Variants in MYO6 observed in about 807,000 individuals in gnomAD.
MYO6 encodes unconventional myosin-VI.
Under a neutral mutation model 178.7 loss-of-function variants are expected in MYO6, and 74 were observed. The ratio of observed to expected loss-of-function variants is 0.41; its 90% CI spans 0.34 to 0.50. The LOEUF (loss-of-function observed/expected upper bound fraction) is 0.50, where lower values mean the gene tolerates loss of function less well. Ranked by LOEUF, MYO6 falls within the 20% of genes least tolerant of loss-of-function variation. The probability of loss-of-function intolerance (pLI) is 0.09; values close to 1 mark genes in which losing one functional copy is unlikely to be tolerated. For synonymous variants in MYO6, 477 were observed against 504.6 expected (o/e 0.95, Z 0.73); for missense variants, 1,330 against 1,547.4 (o/e 0.86, Z 2.36).
chr6:75,819,475 G>GCAGTGGAAGTA (rs1172948180), intron 2 of MYO6, among the ~76,000 whole-genome samples: 3 of 152,300 alleles, frequency 2.0e-5, no homozygotes, highest in Non-Finnish European at 4.4e-5. Context: ...CAGTGTGTGC[G>GCAGTGGAAGTA]CAGTGGAAGT....
intron 14 of MYO6, among the ~76,000 whole-genome samples, chr6:75,859,604 GT>G (rs1197703452): frequency 6.7e-6 from 1 of 148,942 alleles, no homozygotes; most frequent in Non-Finnish European, 1.5e-5. Flanking sequence ...CTGGCCTGTT[GT>G]CTCTACTTCT....
intron 20 of MYO6, among the ~76,000 whole-genome samples, chr6:75,877,601 G>A (rs1000753617): frequency 2.0e-5 from 3 of 151,904 alleles, no homozygotes; most frequent in Non-Finnish European, 2.9e-5. Context: ...AAATACCAGG[G>A]CAAAGTAGGG....
intron 2 of MYO6, among the ~76,000 whole-genome samples, chr6:75,818,350 A>C (rs1212683064): frequency 1.3e-5 from 2 of 152,084 alleles, no homozygotes; most frequent in Non-Finnish European, 2.9e-5. Flanking sequence ...TTTTTGTGGA[A>C]CTTCACTCCA....
chr6:75,839,630 G>A (rs1774012534), intron 7 of MYO6, among the ~76,000 whole-genome samples: 1 of 152,112 alleles, frequency 6.6e-6, no homozygotes, highest in Non-Finnish European at 1.5e-5. Flanking sequence ...AGATTTAGAT[G>A]AGTATAAGAG....
intron 14 of MYO6, 68 bp from the exon 15 acceptor site, chr6:75,860,955 A>G: frequency 8.6e-7 from 1 of 1,167,150 alleles, no homozygotes; most frequent in Non-Finnish European, 1.3e-6. Flanking sequence ...TGTTATGTTC[A>G]GAAACAGTGC....
intron 6 of MYO6, among the ~76,000 whole-genome samples, chr6:75,834,421 C>G (rs914098252): frequency 3.3e-5 from 5 of 151,966 alleles, no homozygotes; most frequent in Non-Finnish European, 7.4e-5. Context: ...TTTGTAGAGA[C>G]AGGGTTATGC....
intron 23 of MYO6, 144 bp downstream of exon 23, chr6:75,881,962 TTC>T (rs1240463238): frequency 4.4e-6 from 4 of 902,150 alleles, no homozygotes; most frequent in Non-Finnish European, 5.2e-6. Flanking sequence ...TTTGTAGATG[TTC>T]TTTCTTTTTT....
chr6:75,846,798 G>A (rs188178629), intron 10 of MYO6, among the ~76,000 whole-genome samples: 5 of 152,184 alleles, frequency 3.3e-5, no homozygotes, highest in South Asian at 4.1e-4. Context: ...GAAAGAAAAC[G>A]AGTTTACTCT....
chr6:75,901,138 C>T (rs561797627), intron 30 of MYO6, among the ~76,000 whole-genome samples: 3 of 151,998 alleles, frequency 2.0e-5, no homozygotes, highest in Non-Finnish European at 4.4e-5. Flanking sequence ...TTACTGTAGC[C>T]TTGTAGTATA....
chr6:75,814,912 T>C (rs1429062652), intron 1 of MYO6, among the ~76,000 whole-genome samples: 1 of 152,040 alleles, frequency 6.6e-6, no homozygotes, highest in Non-Finnish European at 1.5e-5. Flanking sequence ...CTACACCTGC[T>C]TTTACTCTTC....
At position 75,873,071 on chromosome 6, in the gene MYO6, C is replaced by A; in HGVS notation, c.1984-136C>A. ...TACAGGCATGAGCCACTGCTCCCAG[C>A]CTTGAGTTCTTTAGTAATTACTTTT... On this transcript the variant is annotated intron_variant, in intron 19 of 34. Transcript: ENST00000369977. The A allele has an allele frequency of 4.1e-6, 3 of 737,344 alleles. No homozygotes were observed. The South Asian group carries it at 4.7e-5, about 12-fold the overall frequency. 45.7% of individuals were successfully genotyped at this position (737,344 alleles called of 1,614,324 possible).
chr6:75,824,871 T>C (rs1772291528), intron 3 of MYO6, among the ~76,000 whole-genome samples: 2 of 152,048 alleles, frequency 1.3e-5, no homozygotes, highest in African/African-American at 2.4e-5. Context: ...GCAATTCTTC[T>C]GCTTCAGCCT....
At chr6:75,796,832 T>C (rs987972842) in intron 1 of MYO6, among the ~76,000 whole-genome samples, 1 of 152,228 alleles carries the variant, frequency 6.6e-6, no homozygotes, top group African/African-American at 2.4e-5. Flanking sequence ...TGTGAACATA[T>C]TGTATTTGGT....
intron 20 of MYO6, among the ~76,000 whole-genome samples, chr6:75,878,667 G>A (rs1777760852): frequency 6.6e-6 from 1 of 152,072 alleles, no homozygotes; most frequent in Non-Finnish European, 1.5e-5. Context: ...TTAAATTTTT[G>A]GCTAGCAGGA....
intron 1 of MYO6, among the ~76,000 whole-genome samples, chr6:75,780,315 AC>A (rs1464570035): frequency 2.0e-5 from 3 of 152,114 alleles, no homozygotes; most frequent in Non-Finnish European, 4.4e-5. Context: ...GGTGGTGCAC[AC>A]CTGTAATCCC....
At chr6:75,880,317 A>G (rs1466468321) in intron 22 of MYO6, among the ~76,000 whole-genome samples, 197 bp downstream of exon 22, 1 of 152,218 alleles carries the variant, frequency 6.6e-6, no homozygotes, top group Non-Finnish European at 1.5e-5. Flanking sequence ...TAATGTTCAT[A>G]ATTTGTTTAG....
chr6:75,753,441 A>ATGTGTGTGTG (rs763065617), intron 1 of MYO6, among the ~76,000 whole-genome samples: 1 of 140,424 alleles, frequency 7.1e-6, no homozygotes, highest in African/African-American at 2.7e-5. Context: ...TGATCTATAT[A>ATGTGTGTGTG]TGTGTGTGTG....
chr6:75,894,720 T>C (rs1212242563), intron 28 of MYO6: 1 of 743,188 alleles, frequency 1.3e-6, no homozygotes, highest in East Asian at 3.1e-5. Context: ...TCTTAATCTA[T>C]AGCATGATGT....
At chr6:75,866,042 G>A (rs1776638441) in intron 16 of MYO6, among the ~76,000 whole-genome samples, 2 of 151,954 alleles carry the variant, frequency 1.3e-5, no homozygotes, top group Admixed American at 6.6e-5. Context: ...CCTTGTTAAT[G>A]TGTTGGCACA....
Sources: allele counts gnomAD v4.1 joint callset (sites outside exome capture counted in the v4.1 genomes callset), GRCh38; gene constraint gnomAD v4.1.1; transcripts MANE v1.5; gene names NCBI Gene and HGNC (gene_info 2026-07-23, HGNC 2026-07-21).